The following TMC6 variants were observed in gnomAD, a reference collection of about 807,000 sequenced individuals.
TMC6 encodes transmembrane channel-like protein 6.
In TMC6, 71 loss-of-function variants were observed where a neutral mutation model predicts 95.4. The observed-to-expected ratio is 0.74, with a 90% confidence interval of 0.61 to 0.91. TMC6 has a LOEUF of 0.91. Ranked by LOEUF, TMC6 falls within the 40% of genes least tolerant of loss-of-function variation. TMC6 has a pLI of 0.00. For synonymous variants in TMC6, 514 were observed against 483.1 expected (o/e 1.06, Z -0.84); for missense variants, 1,074 against 1,079.1 (o/e 1.00, Z 0.07).
chr17:78,126,427 A>G, intron 3 of TMC6, 61 bp from the exon 4 acceptor site: 1 of 1,605,536 alleles, frequency 6.2e-7, no homozygotes, highest in Non-Finnish European at 8.5e-7. Context: ...AGTATCTCCC[A>G]CCCCATCCCA....
Position 78,109,428 on chromosome 17 carries a change from T to TGGG in TMC6, c.*3719_*3720insCCC. The TGGG allele has an allele frequency of 2.2e-6, 1 of 456,418 alleles. No homozygotes were observed. The highest frequency in any genetic ancestry group is 4.4e-6 in the Non-Finnish European group (1 of 226,884). The allele number at this position is 456,418 out of a possible 1,614,324, so 28.3% of individuals were successfully genotyped here. On this transcript the variant is annotated 3_prime_UTR_variant, in exon 20 of 20. Transcript: ENST00000590602. Reference sequence around the variant, plus strand: ...ATATCAGTGCTTCTCGGCGGAGCTGTGGCTGATGGGCTCCTGGTGCAGGAC... The same window carrying TGGG: ...ATATCAGTGCTTCTCGGCGGAGCTGTGGGGGCTGATGGGCTCCTGGTGCAGGAC...
chr17:78,120,440 A>C (rs767637057), intron 13 of TMC6: 1 of 730,028 alleles, frequency 1.4e-6, no homozygotes, highest in East Asian at 3.0e-5. Flanking sequence ...GATTACAGGC[A>C]TGAGCCACCA....
rs2074731543 is a variant in TMC6 at position 78,126,633 on chromosome 17, G to C, written c.72C>G (p.Pro24=). 1 of 1,613,312 alleles carries C rather than the reference G, an allele frequency of 6.2e-7. No individual in the cohort carries two copies. Among genetic ancestry groups the C allele is most frequent in the Non-Finnish European group, 8.5e-7 (1 of 1,179,980 alleles). The part of the protein sequence containing the change: ...TPGDQGQGPS[P]YDESEVHDSF... ...AGTCGTGCACTTCGCTTTCATCATA[G>C]GGGCTGGGGCCCTGGCTGCAGAGGG... The change falls in exon 3 of 20, where the codon CCC becomes CCG. Residue 24 remains proline (P), a synonymous_variant. Transcript: ENST00000590602.
chr17:78,123,048 G>C (rs2074494363), intron 9 of TMC6: 1 of 515,286 alleles, frequency 1.9e-6, no homozygotes. Context: ...GCTCACCTCA[G>C]GGCCTTTGCA....
In TMC6 at chr17:78,122,440, C is replaced by T. The variant is rs1474791577; in HGVS notation, c.1227+165G>A. ...GCCAGAGAAAAACTCAGGGCCTGCC[C>T]GTCACTGCAAGCAGAAGACCACGCC... On this transcript the variant is annotated intron_variant, in intron 10 of 19. Transcript: ENST00000590602. The surrounding 1 kb of genome is among the most constrained non-coding windows in gnomAD (Gnocchi z 4.9). The T allele has an allele frequency of 2.9e-5, 29 of 1,016,408 alleles. No homozygotes were observed. Among genetic ancestry groups the T allele is most frequent in the Admixed American group, 5.0e-5 (2 of 39,716 alleles). The allele number at this position is 1,016,408 out of a possible 1,614,324, so 63.0% of individuals were successfully genotyped here. A position where few individuals can be genotyped will look rare whatever the true frequency, so the allele number is the denominator to read the frequency against.
intron 9 of TMC6, among the ~76,000 whole-genome samples, chr17:78,123,341 G>A (rs572250619): frequency 7.2e-5 from 11 of 152,350 alleles, no homozygotes; most frequent in Middle Eastern, 3.4e-3. Context: ...ATGCATGGGT[G>A]GATGGGTGGA....
At chr17:78,120,628 C>T (rs1352545137) in intron 13 of TMC6, 25 bp downstream of exon 13, 5 of 1,614,012 alleles carry the variant, frequency 3.1e-6, no homozygotes, top group East Asian at 2.2e-5. Context: ...ACACTCACCA[C>T]CCAGTCCGCC....
chr17:78,109,583 A>G lies in TMC6; in HGVS notation c.*3565T>C, dbSNP rs1215730298. Reference sequence around the variant, plus strand: ...GAGGTCGAGGCTGCAGTGAGCTGTGATCGTGCCACTGTGCTCCGGGATGGG... The same window carrying G: ...GAGGTCGAGGCTGCAGTGAGCTGTGGTCGTGCCACTGTGCTCCGGGATGGG... On this transcript the variant is annotated 3_prime_UTR_variant, in exon 20 of 20. Coordinates refer to ENST00000590602, the MANE Select transcript of TMC6 (RefSeq NM_001127198.5). 2 of 455,742 alleles carry G rather than the reference A, an allele frequency of 4.4e-6. No individual in the cohort carries two copies. Among genetic ancestry groups the G allele is most frequent in the East Asian group, 7.0e-5 (1 of 14,318 alleles). 28.2% of individuals were successfully genotyped at this position (455,742 alleles called of 1,614,324 possible).
intron 4 of TMC6, 39 bp downstream of exon 4, chr17:78,126,238 G>A (rs748319093): frequency 1.5e-5 from 23 of 1,540,286 alleles, no homozygotes; most frequent in Admixed American, 1.2e-4. Context: ...GGGTCAACTC[G>A]GGGCCGGGGC....
At chr17:78,116,833 CTG>C (rs1207677435) in intron 18 of TMC6, among the ~76,000 whole-genome samples, 4 of 152,152 alleles carry the variant, frequency 2.6e-5, no homozygotes, top group Non-Finnish European at 4.4e-5. Flanking sequence ...TCAGCTGAGA[CTG>C]TGCCACTGCA....
At position 78,109,689 on chromosome 17, in the gene TMC6, G is replaced by A. The variant is rs563778930; in HGVS notation, c.*3459C>T. 6 of 387,996 alleles carry A rather than the reference G, an allele frequency of 1.5e-5. No individual in the cohort carries two copies. The highest frequency in any genetic ancestry group is 4.1e-5 in the African/African-American group (2 of 48,348). 24.0% of individuals were successfully genotyped at this position (387,996 alleles called of 1,614,324 possible). ...CCCACGGGCGTGAGTGCATGCATGC[G>A]TTTGTGACAGCCTGGTGCTCGGATG... is the stretch of plus-strand genomic sequence containing the variant. On this transcript the variant is annotated 3_prime_UTR_variant, in exon 20 of 20. Transcript: ENST00000590602.
At position 78,122,765 on chromosome 17, in the gene TMC6, CA is replaced by C. The variant is rs1253726201; in HGVS notation, c.1083-17del. ...GTGAGCCATGCTGGGGAGAAGCAGA[CA>C]CAGACATGGCAACCAACAAGCTGAC... On this transcript the variant is annotated splice_polypyrimidine_tract_variant and intron_variant, in intron 9 of 19. Coordinates refer to ENST00000590602, the MANE Select transcript of TMC6 (RefSeq NM_001127198.5). This position sits in a 1 kb window ranked among gnomAD's most constrained non-coding sequence, Gnocchi z 4.9. 3 of 1,606,884 alleles carry C rather than the reference CA, an allele frequency of 1.9e-6. No homozygotes were observed. Among genetic ancestry groups the C allele is most frequent in the Non-Finnish European group, 2.5e-6 (3 of 1,177,974 alleles).
intron 13 of TMC6, chr17:78,119,817 A>G (rs1003429376): frequency 2.7e-6 from 1 of 368,402 alleles, no homozygotes; most frequent in Admixed American, 3.9e-5. Context: ...ATTTATTTTT[A>G]TTTTTATTTC....
At chr17:78,113,297 G>T in intron 19 of TMC6, 86 bp from the exon 20 acceptor site, 1 of 1,430,162 alleles carries the variant, frequency 7.0e-7, no homozygotes, top group Non-Finnish European at 9.5e-7. Flanking sequence ...CCCGGCGAGG[G>T]ACAGGCCAGA....
In TMC6 at chr17:78,112,992, C is replaced by G. The variant is rs2253277; in HGVS notation, c.*156G>C. ...CAGAGTTCATTGGGGATGCCCAAGCCGGATTCACCCACCCTTCCAGCTCCA... is the reference window on the plus strand; with the variant it reads ...CAGAGTTCATTGGGGATGCCCAAGCGGGATTCACCCACCCTTCCAGCTCCA... On this transcript the variant is annotated 3_prime_UTR_variant, in exon 20 of 20. Transcript: ENST00000590602. The G allele has an allele frequency of 1.1e-5, 9 of 797,744 alleles. No individual in the cohort carries two copies. The highest frequency in any genetic ancestry group is 1.8e-5 in the Non-Finnish European group (9 of 489,272). 49.4% of individuals were successfully genotyped at this position (797,744 alleles called of 1,614,324 possible).
rs760576519 is a variant in TMC6 at position 78,124,755 on chromosome 17, C to T, written c.660G>A (p.Leu220=). 5.1e-6 allele frequency: 8 copies of T among 1,583,824 alleles called. 1 individual carries two copies. In the Admixed American group the frequency reaches 1.3e-4, roughly 25 times the overall value. ...GCATCAGGGCCTGCAGGGCGGAGAG[C>T]AGCGCCAGGCCCAGGCTGTGCAAGG... The part of the protein sequence containing the change: ...VLALHSLGLA[L]LSALQALMPW... The change falls in exon 8 of 20, where the codon CTG becomes CTA. Residue 220 remains leucine, a synonymous_variant. Coordinates refer to ENST00000590602, the MANE Select transcript of TMC6 (RefSeq NM_001127198.5).
upstream of TMC6, chr17:78,131,766 C>G: frequency 6.4e-7 from 1 of 1,560,784 alleles, no homozygotes; most frequent in Non-Finnish European, 8.6e-7. Flanking sequence ...CCAGACGGTG[C>G]GTGGGGGGGG....
chr17:78,125,323 C>A, intron 5 of TMC6, 60 bp from the exon 6 acceptor site: 1 of 1,476,368 alleles, frequency 6.8e-7, no homozygotes, highest in Non-Finnish European at 9.2e-7. Context: ...CAGCCCGAAG[C>A]CGGGACCCTG....
In TMC6 at chr17:78,121,498, G is replaced by A. The variant is rs1051713874; in HGVS notation, c.1383+58C>T. On this transcript the variant is annotated intron_variant, in intron 11 of 19. Coordinates refer to ENST00000590602, the MANE Select transcript of TMC6 (RefSeq NM_001127198.5). The surrounding 1 kb of genome is among the most constrained non-coding windows in gnomAD (Gnocchi z 5.6). The stretch of plus-strand genomic sequence containing the variant: ...AAGGCTGCCTCCCCAGGGGGCAGGT[G>A]CCCAGAGTCACTGGGGACACGTTCC... 1.9e-6 allele frequency: 3 copies of A among 1,608,328 alleles called. No individual in the cohort carries two copies. Among genetic ancestry groups the A allele is most frequent in the East Asian group, 4.5e-5 (2 of 44,774 alleles).
Sources: allele counts gnomAD v4.1 joint callset (sites outside exome capture counted in the v4.1 genomes callset), GRCh38; gene constraint gnomAD v4.1.1; non-coding constraint Gnocchi (gnomAD v3.1); transcripts MANE v1.5; gene names NCBI Gene and HGNC (gene_info 2026-07-23, HGNC 2026-07-21).